HDAC6: variants seen among roughly 807,000 people sequenced by gnomAD.
The protein encoded by HDAC6 is histone deacetylase 6, also known as protein deacetylase HDAC6.
Under a neutral mutation model 88.9 loss-of-function variants are expected in HDAC6, and 5 were observed. That is an observed-to-expected ratio of 0.06 (90% confidence interval 0.03 to 0.12). The LOEUF (loss-of-function observed/expected upper bound fraction) is 0.12, where lower values mean the gene tolerates loss of function less well. HDAC6 is among the 10% of genes least tolerant of loss of function. The pLI, the probability that HDAC6 is intolerant of heterozygous loss-of-function variation, is 1.00. For synonymous variants in HDAC6, 378 were observed against 398.0 expected, an observed-to-expected ratio of 0.95 and a Z score of 0.60; for missense variants, 706 against 1,014.4, an observed-to-expected ratio of 0.70 and a Z score of 4.13.
chrX:48,813,151 C>T (rs1273463435), intron 10 of HDAC6, among the ~76,000 whole-genome samples: 18 of 112,407 alleles, frequency 1.6e-4, no homozygotes, highest in Non-Finnish European at 2.1e-4. Flanking sequence ...TCTAGTGATC[C>T]GCCCACCTTG....
At position 48,818,335 on chromosome X, in the gene HDAC6, G is replaced by A. The variant is rs782052369; in HGVS notation, c.2110G>A (p.Ala704Thr). ...GGGCACAGGCTTCACCGTCAACGTG[G>A]CATGGAACGGGCCCCGCATGGGTGA... ...AAGTGFTVNV[A>T]WNGPRMGDAD... Residue 704 changes from alanine (A) to threonine (T), a missense_variant, in exon 22 of 29, where the codon GCA becomes ACA. Ala to Thr is a moderately conservative substitution (Grantham distance 58). Coordinates refer to ENST00000334136, the MANE Select transcript of HDAC6 (RefSeq NM_006044.4). The A allele has an allele frequency of 8.3e-7, 1 of 1,205,099 alleles. No homozygotes were observed. The highest frequency in any genetic ancestry group is 2.2e-5 in the Admixed American group (1 of 45,408).
At chrX:48,814,924 G>A in intron 13 of HDAC6, 31 bp downstream of exon 13, 1 of 1,209,863 alleles carries the variant, frequency 8.3e-7, no homozygotes, top group Non-Finnish European at 1.1e-6. Context: ...CGGCAGGTGG[G>A]TTGCATGGAG....
At position 48,817,403 on chromosome X, in the gene HDAC6, C is replaced by G; in HGVS notation, c.1869C>G (p.Phe623Leu). ...ATGCAGCTTGCGGTTTTTGCTTTTT[C>G]AACTCTGTGGCTGTGGCTGCTCGCC... ...EQDAACGFCF[F>L]NSVAVAARHA... Residue 623 changes from phenylalanine to leucine, a missense_variant, in exon 20 of 29, where the codon TTC becomes TTG. Phe to Leu is a conservative substitution (Grantham distance 22). This residue lies in a region of HDAC6 where 138 missense variants were observed against 303.5 expected (regional missense o/e 0.45). Coordinates refer to ENST00000334136, the MANE Select transcript of HDAC6 (RefSeq NM_006044.4). 8.3e-7 allele frequency: 1 copy of G among 1,210,608 alleles called. No individual in the cohort carries two copies. Among genetic ancestry groups the G allele is most frequent in the Non-Finnish European group, 1.1e-6 (1 of 895,076 alleles).
chrX:48,815,472 C>A lies in HDAC6; in HGVS notation c.1238C>A (p.Pro413His). The A allele has an allele frequency of 8.3e-7, 1 of 1,206,132 alleles. No individual in the cohort carries two copies. Among genetic ancestry groups the A allele is most frequent in the Non-Finnish European group, 1.1e-6 (1 of 891,597 alleles). Reference sequence around the variant, plus strand: ...GACCCTTGCCCCATGCTGGAGTCACCTGGTGCCCCCTGCCGGAGGTGAGCC... The same window carrying A: ...GACCCTTGCCCCATGCTGGAGTCACATGGTGCCCCCTGCCGGAGGTGAGCC... ...LGDPCPMLES[P>H]GAPCRSAQAS... The change falls in exon 15 of 29, where the codon CCT (proline) becomes CAT (histidine). Residue 413 changes from proline to histidine, a missense_variant. Physicochemically the swap from Pro to His is moderately conservative, Grantham distance 77. This residue lies in a region of HDAC6 where 106 missense variants were observed against 135.1 expected (regional missense o/e 0.78). Transcript: ENST00000334136.
At chrX:48,815,210 A>G in intron 14 of HDAC6, 159 bp downstream of exon 14, 1 of 568,451 alleles carries the variant, frequency 1.8e-6, no homozygotes, top group Non-Finnish European at 2.9e-6. Context: ...TTCCTTCTAT[A>G]AAACGAGCAT....
At position 48,823,715 on chromosome X, in the gene HDAC6, G is replaced by A; in HGVS notation, c.3233G>A (p.Gly1078Glu). ...SQAPGEENLL[G>E]EAAGGQDMAD... Reference sequence around the variant, plus strand: ...GCCCCAGGAGAGGAGAACCTACTAGGAGAGGCAGCTGGAGGTCAGGACATG... The same window carrying A: ...GCCCCAGGAGAGGAGAACCTACTAGAAGAGGCAGCTGGAGGTCAGGACATG... The change falls in exon 26 of 29, where the codon GGA (glycine) becomes GAA (glutamate). Residue 1078 changes from glycine (G) to glutamate (E), a missense_variant. Around this residue, in one of 9 missense-constraint regions of HDAC6, gnomAD observed 112 missense variants for 95.1 expected, o/e 1.18. Coordinates refer to ENST00000334136, the MANE Select transcript of HDAC6 (RefSeq NM_006044.4). 1.4e-5 allele frequency: 17 copies of A among 1,210,524 alleles called. No homozygotes were observed. Among genetic ancestry groups the A allele is most frequent in the Non-Finnish European group, 1.8e-5 (16 of 894,752 alleles).
upstream of HDAC6, chrX:48,801,644 C>T: frequency 3.9e-6 from 1 of 253,510 alleles, no homozygotes; most frequent in South Asian, 3.7e-5. Flanking sequence ...GCACAGCTGG[C>T]GTAGCACGCC....
rs1557030494 is a variant in HDAC6 at position 48,822,908 on chromosome X, C to G, written c.2513-4C>G. 1 of 1,173,907 alleles carries G rather than the reference C, an allele frequency of 8.5e-7. No homozygotes were observed. The highest frequency in any genetic ancestry group is 1.8e-5 in the African/African-American group (1 of 56,422). ...CACTCAAGGATCTCCCTCCCTGGTT[C>G]CAGAGGTAGAAGACAGAGAAGGACC... On this transcript the variant is annotated splice_polypyrimidine_tract_variant and splice_region_variant and intron_variant, in intron 24 of 28. Coordinates refer to ENST00000334136, the MANE Select transcript of HDAC6 (RefSeq NM_006044.4).
Position 48,816,442 on chromosome X carries a change from G to A in HDAC6, c.1623-23G>A, listed in dbSNP as rs782485395. 14 of 1,184,221 alleles carry A rather than the reference G, an allele frequency of 1.2e-5. No homozygotes were observed. In the East Asian group the frequency reaches 2.4e-4, roughly 20 times the overall value. ...GACAGACCCTCCTCACTGTCCTGCGGGTGCTCCTCTCTGTGCTTCCAGTGC... is the reference window on the plus strand; with the variant it reads ...GACAGACCCTCCTCACTGTCCTGCGAGTGCTCCTCTCTGTGCTTCCAGTGC... On this transcript the variant is annotated intron_variant, in intron 18 of 28. Transcript: ENST00000334136.
At chrX:48,811,669 T>C (rs1280954546) in intron 10 of HDAC6, among the ~76,000 whole-genome samples, 1 of 112,424 alleles carries the variant, frequency 8.9e-6, no homozygotes, top group East Asian at 2.8e-4. Context: ...ACATCTCTTT[T>C]TTCCCTCAGC....
In HDAC6 at chrX:48,816,567, C is replaced by T; in HGVS notation, c.1725C>T (p.Thr575=). The T allele has an allele frequency of 8.3e-7, 1 of 1,211,317 alleles. No individual in the cohort carries two copies. Among genetic ancestry groups the T allele is most frequent in the Non-Finnish European group, 1.1e-6 (1 of 895,128 alleles). The change falls in exon 19 of 29, where the codon ACC becomes ACT. Residue 575 remains threonine (T), a synonymous_variant. Transcript: ENST00000334136. ...ACTCCATCTATATCTGCCCCAGTAC[C>T]TTCGCCTGTGCACAGCTTGCCACTG... The part of the protein sequence containing the change: ...NFDSIYICPS[T]FACAQLATGA...
rs782509940 is a variant in HDAC6, at chrX:48,815,305, C to T, written c.1150-79C>T. On this transcript the variant is annotated intron_variant, in intron 14 of 28. Transcript: ENST00000334136. ...TGTTGCTTGACATGTGGTATGCACT[C>T]TCTTATTATCATCATTATTATTATT... The T allele has an allele frequency of 2.8e-5, 21 of 750,125 alleles. No homozygotes were observed. In the South Asian group the frequency reaches 4.6e-4, roughly 16 times the overall value. 61.8% of individuals were successfully genotyped at this position (750,125 alleles called of 1,213,427 possible).
chrX:48,810,243 T>C, intron 10 of HDAC6, among the ~76,000 whole-genome samples: 1 of 110,198 alleles, frequency 9.1e-6, no homozygotes, highest in Non-Finnish European at 1.9e-5. Context: ...ACCCAGCTAA[T>C]TTTTTAAATT....
chrX:48,807,536 C>T lies in HDAC6; in HGVS notation c.633-497C>T, dbSNP rs147012956. Among the ~76,000 whole-genome samples the T allele has an allele frequency of 3.8e-3, 429 of 112,119 alleles. 4 individuals carry two copies. The highest frequency in any genetic ancestry group is 0.013 in the African/African-American group (399 of 30,894). ...TTTTATTTATTTATTTATTTTGAGA[C>T]GGAGTCTCGCTCTGTCACCAGGCTG... On this transcript the variant is annotated intron_variant, in intron 8 of 28. Coordinates refer to ENST00000334136, the MANE Select transcript of HDAC6 (RefSeq NM_006044.4).
intron 20 of HDAC6, chrX:48,817,730 G>A (rs1417228109): frequency 1.9e-5 from 8 of 410,730 alleles, no homozygotes; most frequent in African/African-American, 5.0e-5. Flanking sequence ...CAGCTGCCTC[G>A]ACAGAACCCA....
upstream of HDAC6, chrX:48,801,940 G>C: frequency 1.0e-6 from 1 of 971,705 alleles, no homozygotes. Context: ...CCAATGAGTG[G>C]AGCGGTGAGT....
At chrX:48,817,786 C>G in intron 20 of HDAC6, 1 of 427,727 alleles carries the variant, frequency 2.3e-6, no homozygotes, top group Middle Eastern at 6.4e-4. Flanking sequence ...CGAACCAGCC[C>G]CCAGCATTAG....
Position 48,805,433 on chromosome X carries a change from C to T in HDAC6, c.312-5C>T, listed in dbSNP as rs782803339. 1 of 1,202,900 alleles carries T rather than the reference C, an allele frequency of 8.3e-7. No individual in the cohort carries two copies. Among genetic ancestry groups the T allele is most frequent in the South Asian group, 1.8e-5 (1 of 56,186 alleles). On this transcript the variant is annotated splice_polypyrimidine_tract_variant and splice_region_variant and intron_variant, in intron 4 of 28. Transcript: ENST00000334136. ...GCATCTGTGACTGTGACTCCATCTC[C>T]CCAGCTTCCCGGAAGGCCCTGAGCG...
At position 48,805,511 on chromosome X, in the gene HDAC6, G is replaced by C. The variant is rs1557023912; in HGVS notation, c.385G>C (p.Val129Leu). The change falls in exon 5 of 29, where the codon GTG becomes CTG. Residue 129 changes from valine to leucine, a missense_variant. Transcript: ENST00000334136. ...CCAGGAGGGCCTCCTAGATCGCTGC[G>C]TGTCCTTTCAGGTAAGGCCCCCAAG... ...LIQEGLLDRC[V>L]SFQARFAEKE... 1 of 1,206,115 alleles carries C rather than the reference G, an allele frequency of 8.3e-7. No individual in the cohort carries two copies. The highest frequency in any genetic ancestry group is 1.1e-6 in the Non-Finnish European group (1 of 892,597).
Sources: gnomAD v4.1 joint callset for allele counts (sites outside exome capture counted in the v4.1 genomes callset) on GRCh38, gnomAD v4.1.1 for gene constraint, gnomAD v4.1.1 regional missense constraint, MANE v1.5 for transcripts, NCBI Gene and HGNC (gene_info 2026-07-23, HGNC 2026-07-21) for gene names.